Variants in PDE4B observed in about 807,000 individuals in gnomAD.
PDE4B encodes 3',5'-cyclic-AMP phosphodiesterase 4B.
PDE4B carries 20 observed loss-of-function variants against 82.2 expected under a neutral mutation model. The ratio of observed to expected loss-of-function variants is 0.24; its 90% CI spans 0.17 to 0.35. The LOEUF is 0.35. Ranked by LOEUF, PDE4B falls within the 10% of genes least tolerant of loss-of-function variation. The pLI, the probability that PDE4B is intolerant of heterozygous loss-of-function variation, is 1.00. For synonymous variants in PDE4B, 320 were observed against 318.9 expected, an observed-to-expected ratio of 1.00 and a Z score of -0.04; for missense variants, 655 against 907.2, an observed-to-expected ratio of 0.72 and a Z score of 3.57.
chr1:66,265,597 G>A (rs144163776), intron 6 of PDE4B, among the ~76,000 whole-genome samples: 1 of 152,230 alleles, frequency 6.6e-6, no homozygotes, highest in East Asian at 1.9e-4. Flanking sequence ...TGTCTCCTGA[G>A]GTACAAAAAT....
At chr1:66,351,168 G>C (rs2101989361) in intron 8 of PDE4B, among the ~76,000 whole-genome samples, 1 of 152,288 alleles carries the variant, frequency 6.6e-6, no homozygotes, top group Middle Eastern at 3.4e-3. Flanking sequence ...CACAAATTTT[G>C]CTTGTCTGTG....
chr1:66,161,777 T>A (rs533462994), intron 3 of PDE4B, among the ~76,000 whole-genome samples: 1 of 152,174 alleles, frequency 6.6e-6, no homozygotes, highest in South Asian at 2.1e-4. Flanking sequence ...AATAAGTATA[T>A]CCCAGAATAA....
chr1:66,039,948 AG>A (rs1242296444), intron 3 of PDE4B, among the ~76,000 whole-genome samples: 1 of 152,012 alleles, frequency 6.6e-6, no homozygotes, highest in Non-Finnish European at 1.5e-5. Context: ...CTGAGAGAAA[AG>A]TCTGTGGTTT....
intron 1 of PDE4B, among the ~76,000 whole-genome samples, chr1:65,881,774 A>G (rs1571062208): frequency 6.6e-6 from 1 of 152,328 alleles, no homozygotes; most frequent in East Asian, 1.9e-4. Flanking sequence ...TTAAGTTACC[A>G]ATTTATGCTT....
chr1:66,372,763 G>T lies in PDE4B; in HGVS notation c.*85G>T. 1.4e-6 allele frequency: 2 copies of T among 1,416,892 alleles called. No homozygotes were observed. The highest frequency in any genetic ancestry group is 1.9e-6 in the Non-Finnish European group (2 of 1,037,192). The allele number at this position is 1,416,892 out of a possible 1,614,324, so 87.8% of individuals were successfully genotyped here. A position where few individuals can be genotyped will look rare whatever the true frequency, so the allele number is the denominator to read the frequency against. ...AGGGCCAGCCCACCATGGGGGCCAA[G>T]ACCTGCACAGGACAAGGGCCACCTG... On this transcript the variant is annotated 3_prime_UTR_variant, in exon 17 of 17. Coordinates refer to ENST00000341517, the MANE Select transcript of PDE4B (RefSeq NM_002600.4).
intron 1 of PDE4B, among the ~76,000 whole-genome samples, chr1:65,824,621 A>G (rs1347996864): frequency 6.7e-6 from 1 of 149,638 alleles, no homozygotes; most frequent in Non-Finnish European, 1.5e-5. Flanking sequence ...ACATATATAT[A>G]TACACATATA....
At chr1:66,001,972 C>T (rs909815597) in intron 3 of PDE4B, among the ~76,000 whole-genome samples, 1 of 152,118 alleles carries the variant, frequency 6.6e-6, no homozygotes, top group Non-Finnish European at 1.5e-5. Flanking sequence ...ATCTGCCTGC[C>T]TCAACCTCCC....
At chr1:66,027,382 C>A (rs540230918) in intron 3 of PDE4B, among the ~76,000 whole-genome samples, 7 of 152,250 alleles carry the variant, frequency 4.6e-5, no homozygotes, top group Admixed American at 2.6e-4. Context: ...CCCCCTGGGT[C>A]CCTCCCACAA....
At chr1:66,021,435 T>A (rs192054535) in intron 3 of PDE4B, among the ~76,000 whole-genome samples, 3 of 152,340 alleles carry the variant, frequency 2.0e-5, no homozygotes, top group Admixed American at 1.3e-4. Flanking sequence ...TCTTCTAGGA[T>A]TTTTATGGCT....
chr1:66,036,618 C>A (rs1456742874), intron 3 of PDE4B, among the ~76,000 whole-genome samples: 1 of 152,130 alleles, frequency 6.6e-6, no homozygotes, highest in Non-Finnish European at 1.5e-5. Flanking sequence ...TGTCAGAAAT[C>A]AATTGACTAT....
At chr1:65,946,306 G>A (rs369156068) in intron 3 of PDE4B, among the ~76,000 whole-genome samples, 2 of 151,956 alleles carry the variant, frequency 1.3e-5, no homozygotes, top group Non-Finnish European at 2.9e-5. Context: ...CTGATTTTAT[G>A]ATTTGTTGGA....
intron 8 of PDE4B, among the ~76,000 whole-genome samples, chr1:66,335,510 T>G (rs2101928535): frequency 6.6e-6 from 1 of 152,370 alleles, no homozygotes; most frequent in South Asian, 2.1e-4. Flanking sequence ...TGAAGAAAAC[T>G]GAGTGATTCA....
At chr1:66,179,063 G>A (rs1034690188) in intron 3 of PDE4B, among the ~76,000 whole-genome samples, 1 of 152,094 alleles carries the variant, frequency 6.6e-6, no homozygotes, top group Non-Finnish European at 1.5e-5. Flanking sequence ...TGTTGGCCAG[G>A]CTGGTCTCAA....
intron 3 of PDE4B, among the ~76,000 whole-genome samples, chr1:66,101,494 T>C (rs1645223467): frequency 6.6e-6 from 1 of 152,228 alleles, no homozygotes; most frequent in South Asian, 2.1e-4. Context: ...CCAGCACCTG[T>C]TGTTTCCTGA....
intron 3 of PDE4B, among the ~76,000 whole-genome samples, chr1:66,031,707 CTTCAATAA>C (rs1193464240): frequency 6.6e-6 from 1 of 152,084 alleles, no homozygotes; most frequent in African/African-American, 2.4e-5. Flanking sequence ...GCTCACAGCT[CTTCAATAA>C]TTCAAGATTA....
intron 3 of PDE4B, among the ~76,000 whole-genome samples, chr1:65,988,635 A>AT (rs11307637): frequency 0.4 from 61,063 of 151,480 alleles, 14,290 homozygotes; most frequent in Non-Finnish European, 0.53. Context: ...TCTTTTAAAG[A>AT]TTTTTTTTTA....
At chr1:66,014,621 G>T (rs192944042) in intron 3 of PDE4B, among the ~76,000 whole-genome samples, 5 of 152,200 alleles carry the variant, frequency 3.3e-5, no homozygotes, top group Admixed American at 2.0e-4. Context: ...TATAAACCTG[G>T]AGTTCCTCTC....
chr1:65,798,089 C>T (rs1645651324), intron 1 of PDE4B, among the ~76,000 whole-genome samples: 1 of 151,996 alleles, frequency 6.6e-6, no homozygotes, highest in Non-Finnish European at 1.5e-5. Flanking sequence ...TGCATCTCGG[C>T]TCACTCCAAC....
At chr1:65,990,626 G>C (rs1651192867) in intron 3 of PDE4B, among the ~76,000 whole-genome samples, 1 of 152,044 alleles carries the variant, frequency 6.6e-6, no homozygotes. Context: ...AATATCTTTA[G>C]ATATTAAAAC....
Sources: gnomAD v4.1 joint callset for allele counts (sites outside exome capture counted in the v4.1 genomes callset) on GRCh38, gnomAD v4.1.1 for gene constraint, MANE v1.5 for transcripts, NCBI Gene and HGNC (gene_info 2026-07-23, HGNC 2026-07-21) for gene names.